The following MAD1L1 variants were observed in gnomAD, a reference collection of about 807,000 sequenced individuals.
MAD1L1 encodes the protein mitotic spindle assembly checkpoint protein MAD1.
In MAD1L1, 95 loss-of-function variants were observed where a neutral mutation model predicts 96.9. The ratio of observed to expected loss-of-function variants is 0.98; its 90% CI spans 0.83 to 1.16. The LOEUF (loss-of-function observed/expected upper bound fraction) is 1.16. Ranked by LOEUF, MAD1L1 falls within the 50% of genes most tolerant of loss-of-function variation. The pLI is 0.00. For missense variants in MAD1L1, 1,007 were observed against 954.4 expected (o/e 1.06, Z -0.73); for synonymous variants, 473 against 396.6 (o/e 1.19, Z -2.29).
chr7:2,015,923 T>C lies in MAD1L1; in HGVS notation c.1219-1281A>G, dbSNP rs189027985. On this transcript the variant is annotated intron_variant, in intron 12 of 18. Transcript: ENST00000265854. ...GCCTCTGCTGAGGGGCTCTGCCCCA[T>C]TCTTGAGAGATGGAGGATGAGGATG... Among the ~76,000 whole-genome samples, 634 of 152,348 alleles carry C rather than the reference T, an allele frequency of 4.2e-3. 6 individuals carry two copies. The highest frequency in any genetic ancestry group is 0.014 in the African/African-American group (599 of 41,592).
intron 1 of MAD1L1, among the ~76,000 whole-genome samples, chr7:2,231,792 T>C (rs1474641511): frequency 6.6e-6 from 1 of 152,018 alleles, no homozygotes; most frequent in Non-Finnish European, 1.5e-5. Context: ...TATCTGACAT[T>C]TCCGAGCACC....
intron 18 of MAD1L1, among the ~76,000 whole-genome samples, chr7:1,836,591 A>C (rs1049321341): frequency 2.0e-5 from 3 of 152,230 alleles, no homozygotes; most frequent in Non-Finnish European, 2.9e-5. Context: ...TGCTGAGAGA[A>C]ACTGTTCATA....
intron 11 of MAD1L1, among the ~76,000 whole-genome samples, chr7:2,099,624 C>T (rs890054152): frequency 1.0e-5 from 1 of 100,230 alleles, no homozygotes; most frequent in African/African-American, 3.0e-5. Context: ...GGGAGACAGC[C>T]GAATCTCAGA....
intron 10 of MAD1L1, among the ~76,000 whole-genome samples, chr7:2,198,996 C>G (rs1193250615): frequency 6.6e-6 from 1 of 152,198 alleles, no homozygotes; most frequent in Non-Finnish European, 1.5e-5. Flanking sequence ...GCAGTGGGAT[C>G]CCCCCTTCAC....
intron 11 of MAD1L1, among the ~76,000 whole-genome samples, chr7:2,139,377 G>A (rs909134978): frequency 1.6e-4 from 24 of 151,784 alleles, no homozygotes; most frequent in African/African-American, 5.3e-4. Flanking sequence ...GGAGCGCTGC[G>A]GGCCCCAGGA....
At chr7:1,892,055 T>A (rs1786576733) in intron 18 of MAD1L1, among the ~76,000 whole-genome samples, 1 of 152,214 alleles carries the variant, frequency 6.6e-6, no homozygotes, top group South Asian at 2.1e-4. Context: ...CCGTTCACGG[T>A]GAGCACCCTA....
At chr7:2,134,354 T>A (rs1788654683) in intron 11 of MAD1L1, among the ~76,000 whole-genome samples, 1 of 152,230 alleles carries the variant, frequency 6.6e-6, no homozygotes. Flanking sequence ...CTGCTCTCTC[T>A]CACCACTCAT....
chr7:1,990,299 C>T (rs1191662221), intron 14 of MAD1L1, among the ~76,000 whole-genome samples: 1 of 152,202 alleles, frequency 6.6e-6, no homozygotes, highest in Non-Finnish European at 1.5e-5. Flanking sequence ...TGAGAGGGTG[C>T]TGAGGTCACA....
chr7:2,006,645 A>G (rs1216396910), intron 13 of MAD1L1, among the ~76,000 whole-genome samples: 1 of 151,344 alleles, frequency 6.6e-6, no homozygotes, highest in Non-Finnish European at 1.5e-5. Flanking sequence ...GAGACGGGAC[A>G]TCACTAAACC....
At chr7:2,224,832 G>A (rs1034332258) in intron 4 of MAD1L1, among the ~76,000 whole-genome samples, 8 of 152,074 alleles carry the variant, frequency 5.3e-5, no homozygotes, top group African/African-American at 1.9e-4. Context: ...GGGGAGCCAG[G>A]AGCAACACAG....
intron 6 of MAD1L1, among the ~76,000 whole-genome samples, 164 bp downstream of exon 6, chr7:2,219,168 C>A (rs552091517): frequency 1.3e-5 from 2 of 152,278 alleles, no homozygotes; most frequent in South Asian, 4.1e-4. Flanking sequence ...TCTGGGCTCA[C>A]GGTCCTGGCT....
chr7:2,000,726 G>A (rs903934963), intron 14 of MAD1L1, among the ~76,000 whole-genome samples: 3 of 152,150 alleles, frequency 2.0e-5, no homozygotes, highest in Admixed American at 6.5e-5. Context: ...TGGCTGCCGC[G>A]TCCCCAGCAC....
intron 11 of MAD1L1, among the ~76,000 whole-genome samples, chr7:2,086,802 G>A (rs1477508362): frequency 6.6e-6 from 1 of 152,150 alleles, no homozygotes; most frequent in Admixed American, 6.5e-5. Context: ...TGATCCACCT[G>A]CCTCGGCCTC....
intron 11 of MAD1L1, among the ~76,000 whole-genome samples, chr7:2,086,291 T>G (rs966128912): frequency 3.9e-5 from 6 of 152,226 alleles, no homozygotes; most frequent in Non-Finnish European, 8.8e-5. Context: ...AACTCAGCAC[T>G]GGGTAACGCA....
In MAD1L1 at chr7:1,868,477, A is replaced by ACCCACCCCAC. The variant is rs142108032; in HGVS notation, c.1998+29713_1998+29722dup. On this transcript the variant is annotated intron_variant, in intron 18 of 18. Transcript: ENST00000265854. Reference sequence around the variant, plus strand: ...TCTGTCCTCCCCAGCGAGGCCTCCCACCCACCCCACCCCACGGATAATTTA... The same window carrying ACCCACCCCAC: ...TCTGTCCTCCCCAGCGAGGCCTCCCACCCACCCCACCCCACCCCACCCCACGGATAATTTA... Among the ~76,000 whole-genome samples, 22 of 115,980 alleles carry ACCCACCCCAC rather than the reference A, an allele frequency of 1.9e-4. No individual in the cohort carries two copies. In the East Asian group the frequency reaches 3.8e-3, roughly 20 times the overall value. 76.1% of individuals were successfully genotyped at this position (115,980 alleles called of 152,430 possible). A position where few individuals can be genotyped will look rare whatever the true frequency, so the allele number is the denominator to read the frequency against.
intron 11 of MAD1L1, chr7:2,079,774 A>C (rs1354757841): frequency 8.5e-6 from 4 of 470,572 alleles, no homozygotes; most frequent in Non-Finnish European, 1.8e-5. Context: ...GAGACCATAA[A>C]TTCACTTCCG....
chr7:2,046,609 C>G (rs1783930229), intron 12 of MAD1L1, among the ~76,000 whole-genome samples: 1 of 152,208 alleles, frequency 6.6e-6, no homozygotes, highest in Non-Finnish European at 1.5e-5. Flanking sequence ...CTGCTAAACC[C>G]CTTCCAGATC....
At chr7:2,162,708 CAAA>C (rs200992128) in intron 10 of MAD1L1, among the ~76,000 whole-genome samples, 2 of 96,526 alleles carry the variant, frequency 2.1e-5, no homozygotes, top group Non-Finnish European at 4.6e-5. Flanking sequence ...CCACCACTCA[CAAA>C]AAAAAAAAAA....
intron 10 of MAD1L1, among the ~76,000 whole-genome samples, chr7:2,169,433 AT>A (rs1790599880): frequency 6.6e-6 from 1 of 152,186 alleles, no homozygotes; most frequent in Non-Finnish European, 1.5e-5. Flanking sequence ...GAAAAAAAGT[AT>A]TTAGGAACAT....
Sources: gnomAD v4.1 joint callset for allele counts (sites outside exome capture counted in the v4.1 genomes callset) on GRCh38, gnomAD v4.1.1 for gene constraint, MANE v1.5 for transcripts, NCBI Gene and HGNC (gene_info 2026-07-23, HGNC 2026-07-21) for gene names.